The following ADGRL4 variants were observed in gnomAD, a reference collection of about 807,000 sequenced individuals.
ADGRL4 encodes the protein adhesion G protein-coupled receptor L4.
ADGRL4 carries 90 observed loss-of-function variants against 74.8 expected under a neutral mutation model. That is an observed-to-expected ratio of 1.20 (90% CI 1.02 to 1.43). The LOEUF is 1.43. Among genes scored for constraint, ADGRL4 ranks in the 40% most tolerant of loss-of-function variants. The pLI is 0.00. For missense variants in ADGRL4, 881 were observed against 814.3 expected (o/e 1.08, Z -1.00); for synonymous variants, 311 against 279.2 (o/e 1.11, Z -1.14).
rs144138327 is a variant in ADGRL4 at position 78,997,109 on chromosome 1, T to G, written c.172+7961A>C. On this transcript the variant is annotated intron_variant, in intron 2 of 14. Coordinates refer to ENST00000370742, the MANE Select transcript of ADGRL4 (RefSeq NM_022159.4). Reference sequence around the variant, plus strand: ...GTGAGAAAACACATTGATGATCACCTTGTTTAACCTTTGAGATAAAGCACA... The same window carrying G: ...GTGAGAAAACACATTGATGATCACCGTGTTTAACCTTTGAGATAAAGCACA... Among the ~76,000 whole-genome samples, 718 of 152,280 alleles carry G rather than the reference T, an allele frequency of 4.7e-3. 6 individuals are homozygous for G. Among genetic ancestry groups the G allele is most frequent in the African/African-American group, 0.017 (687 of 41,558 alleles).
intron 2 of ADGRL4, among the ~76,000 whole-genome samples, chr1:78,999,788 A>ATACC (rs1553140915): frequency 2.1e-5 from 3 of 141,664 alleles, no homozygotes; most frequent in African/African-American, 5.3e-5. Context: ...ATCTATAGTT[A>ATACC]TATCTATCTA....
intron 2 of ADGRL4, among the ~76,000 whole-genome samples, chr1:78,973,381 T>A (rs1650209437): frequency 6.6e-6 from 1 of 151,858 alleles, no homozygotes; most frequent in Admixed American, 6.6e-5. Flanking sequence ...CTTATAATTT[T>A]AAATATTATT....
At chr1:78,893,240 A>T in intron 12 of ADGRL4, 51 bp from the exon 13 acceptor site, 1 of 1,089,282 alleles carries the variant, frequency 9.2e-7, no homozygotes, top group Non-Finnish European at 1.4e-6. Context: ...CTTAAATTGG[A>T]TACATATAAA....
chr1:78,965,374 A>G (rs1650034480), intron 2 of ADGRL4, among the ~76,000 whole-genome samples: 1 of 152,202 alleles, frequency 6.6e-6, no homozygotes, highest in Non-Finnish European at 1.5e-5. Flanking sequence ...TTTATAGTAT[A>G]CAAACTTTGC....
intron 2 of ADGRL4, among the ~76,000 whole-genome samples, chr1:78,969,476 C>A (rs1326307406): frequency 9.2e-5 from 14 of 152,144 alleles, no homozygotes; most frequent in Non-Finnish European, 2.1e-4. Context: ...ATCTTGGGAC[C>A]TTAAGAGACA....
intron 2 of ADGRL4, among the ~76,000 whole-genome samples, chr1:78,965,756 A>G (rs1326231912): frequency 1.3e-5 from 2 of 152,316 alleles, no homozygotes; most frequent in African/African-American, 4.8e-5. Flanking sequence ...CTTTAAAATG[A>G]CATTGCCCCC....
intron 3 of ADGRL4, among the ~76,000 whole-genome samples, chr1:78,940,820 A>C (rs1649460637): frequency 6.6e-6 from 1 of 152,078 alleles, no homozygotes; most frequent in Admixed American, 6.5e-5. Flanking sequence ...GTAATTTCTC[A>C]CTCAAAAATC....
intron 2 of ADGRL4, 140 bp downstream of exon 2, chr1:79,004,930 T>A (rs543365226): frequency 5.6e-5 from 35 of 621,890 alleles, no homozygotes; most frequent in South Asian, 3.8e-4. Flanking sequence ...ACTTACTGTT[T>A]AGCTACTTAC....
intron 7 of ADGRL4, 45 bp from the exon 8 acceptor site, chr1:78,927,136 A>G (rs17412855): frequency 0.038 from 48,344 of 1,277,042 alleles, 1,096 homozygotes; most frequent in Non-Finnish European, 0.045. Flanking sequence ...TATAAAACAA[A>G]GTGTATTTAG....
At chr1:78,912,170 C>A (rs112835625) in intron 12 of ADGRL4, among the ~76,000 whole-genome samples, 4,385 of 151,814 alleles carry the variant, frequency 0.029, 84 homozygotes, top group South Asian at 0.053. Flanking sequence ...GATTATTGAG[C>A]AAGATGAATA....
At chr1:78,911,193 C>G (rs1335209584) in intron 12 of ADGRL4, among the ~76,000 whole-genome samples, 1 of 151,730 alleles carries the variant, frequency 6.6e-6, no homozygotes, top group Admixed American at 6.6e-5. Context: ...TCTAGAAGTC[C>G]TTACTCTATG....
chr1:78,956,228 G>A (rs1487305432), intron 2 of ADGRL4, among the ~76,000 whole-genome samples: 1 of 152,026 alleles, frequency 6.6e-6, no homozygotes, highest in Admixed American at 6.6e-5. Flanking sequence ...TTTCCCCTTT[G>A]CTTCTTGGTA....
At chr1:78,896,124 CTTTG>C (rs1176742570) in intron 12 of ADGRL4, among the ~76,000 whole-genome samples, 1 of 151,950 alleles carries the variant, frequency 6.6e-6, no homozygotes, top group African/African-American at 2.4e-5. Context: ...CCACTCTTCC[CTTTG>C]TTTACTATAC....
intron 2 of ADGRL4, among the ~76,000 whole-genome samples, chr1:78,996,077 C>T (rs552146031): frequency 2.1e-3 from 313 of 152,140 alleles, no homozygotes; most frequent in Non-Finnish European, 3.4e-3. Context: ...TAATAAATTT[C>T]CCTTTACTTT....
At chr1:78,903,701 C>T (rs137869766) in intron 12 of ADGRL4, among the ~76,000 whole-genome samples, 18 of 151,756 alleles carry the variant, frequency 1.2e-4, no homozygotes, top group Admixed American at 5.9e-4. Context: ...TTTGGGAGGC[C>T]GAGGAGGGTG....
chr1:78,967,625 T>C (rs1650081971), intron 2 of ADGRL4, among the ~76,000 whole-genome samples: 1 of 152,152 alleles, frequency 6.6e-6, no homozygotes, highest in African/African-American at 2.4e-5. Context: ...AGTGGAAAGA[T>C]TGTGGAAATT....
chr1:78,992,048 C>T (rs1049812829), intron 2 of ADGRL4, among the ~76,000 whole-genome samples: 2 of 152,018 alleles, frequency 1.3e-5, no homozygotes, highest in Non-Finnish European at 1.5e-5. Flanking sequence ...TGCAGTCAGT[C>T]AGTCACTGGG....
intron 2 of ADGRL4, among the ~76,000 whole-genome samples, chr1:78,984,845 G>A (rs1009650536): frequency 1.6e-4 from 25 of 151,626 alleles, no homozygotes; most frequent in African/African-American, 5.3e-4. Context: ...GTAAATTACC[G>A]TGGGACTCAT....
chr1:78,998,224 C>T (rs1650759148), intron 2 of ADGRL4, among the ~76,000 whole-genome samples: 3 of 148,966 alleles, frequency 2.0e-5, no homozygotes, highest in Non-Finnish European at 1.5e-5. Context: ...AATCTGTGGT[C>T]TTCTCATGGC....
Sources: gnomAD v4.1 joint callset for allele counts (sites outside exome capture counted in the v4.1 genomes callset) on GRCh38, gnomAD v4.1.1 for gene constraint, MANE v1.5 for transcripts, NCBI Gene and HGNC (gene_info 2026-07-23, HGNC 2026-07-21) for gene names.